Variants in MECOM observed in about 807,000 individuals in gnomAD.
MECOM encodes the protein MDS1 and EVI1 complex locus.
In MECOM, 13 loss-of-function variants were observed where a neutral mutation model predicts 116.3. The ratio of observed to expected loss-of-function variants is 0.11; its 90% CI spans 0.07 to 0.18. The LOEUF (loss-of-function observed/expected upper bound fraction) is 0.18, where lower values mean the gene tolerates loss of function less well. Ranked by LOEUF, MECOM falls within the 10% of genes least tolerant of loss-of-function variation. The pLI is 1.00. For missense variants in MECOM, 1,299 were observed against 1,509.0 expected (o/e 0.86, Z 2.31); for synonymous variants, 528 against 535.2 (o/e 0.99, Z 0.19).
At chr3:169,572,817 G>A (rs376843588) in intron 1 of MECOM, among the ~76,000 whole-genome samples, 12 of 152,174 alleles carry the variant, frequency 7.9e-5, no homozygotes, top group South Asian at 4.2e-4. Flanking sequence ...ATCACACACC[G>A]GGGCCTGTTG....
At chr3:169,576,838 C>CAGAG (rs59983835) in intron 1 of MECOM, among the ~76,000 whole-genome samples, 133 of 125,090 alleles carry the variant, frequency 1.1e-3, no homozygotes, top group Middle Eastern at 4.2e-3. Context: ...CACACACACA[C>CAGAG]AGAGAGAGAG....
rs748913547 is a variant in MECOM, at chr3:169,644,969, C to T, written c.37+18367G>A. Among the ~76,000 whole-genome samples the T allele has an allele frequency of 2.6e-5, 4 of 152,072 alleles. 1 individual carries two copies. The highest frequency in any genetic ancestry group is 2.4e-5 in the African/African-American group (1 of 41,390). On this transcript the variant is annotated intron_variant, in intron 1 of 16. Coordinates refer to ENST00000651503, the MANE Select transcript of MECOM (RefSeq NM_004991.4). ...CTCTTTGAGTAAAGCCATTCTTCTT[C>T]GGCATAAGTACACACAAATGACTGT...
intron 1 of MECOM, among the ~76,000 whole-genome samples, chr3:169,585,581 C>T (rs1465230161): frequency 6.6e-6 from 1 of 152,164 alleles, no homozygotes; most frequent in Non-Finnish European, 1.5e-5. Context: ...GGTATTATTA[C>T]CAGGTCTATA....
chr3:169,158,560 C>G (rs1053710337), intron 2 of MECOM, among the ~76,000 whole-genome samples: 3 of 152,096 alleles, frequency 2.0e-5, no homozygotes, highest in African/African-American at 7.2e-5. Context: ...GTGTGACTCT[C>G]GGGTTTAAAG....
At chr3:169,189,171 T>C (rs1015086256) in intron 2 of MECOM, among the ~76,000 whole-genome samples, 8 of 152,098 alleles carry the variant, frequency 5.3e-5, no homozygotes, top group African/African-American at 1.7e-4. Flanking sequence ...AAGACCTATG[T>C]TGCTTTAACA....
intron 1 of MECOM, among the ~76,000 whole-genome samples, chr3:169,561,982 C>G (rs1762685394): frequency 6.6e-6 from 1 of 151,494 alleles, no homozygotes; most frequent in Non-Finnish European, 1.5e-5. Context: ...CCCATCTCTA[C>G]TAAAAATACA....
At position 169,136,913 on chromosome 3, in the gene MECOM, T is replaced by C. The variant is rs191192344; in HGVS notation, c.511-5382A>G. On this transcript the variant is annotated intron_variant, in intron 3 of 16. Coordinates refer to ENST00000651503, the MANE Select transcript of MECOM (RefSeq NM_004991.4). ...TGCTTAATAGACTGCATTTGGCATG[T>C]CTAAAAATGACAGAAGCGTGAATTA... Among the ~76,000 whole-genome samples, 10 of 152,256 alleles carry C rather than the reference T, an allele frequency of 6.6e-5. No individual in the cohort carries two copies. In the East Asian group the frequency reaches 1.7e-3, roughly 26 times the overall value.
intron 2 of MECOM, among the ~76,000 whole-genome samples, chr3:169,200,345 G>A (rs182403058): frequency 1.5e-4 from 23 of 152,076 alleles, no homozygotes; most frequent in East Asian, 5.8e-4. Flanking sequence ...GTCACTTTTC[G>A]TCTCTACATT....
intron 1 of MECOM, among the ~76,000 whole-genome samples, chr3:169,463,394 T>C (rs1297156647): frequency 2.0e-5 from 3 of 152,130 alleles, no homozygotes; most frequent in Non-Finnish European, 2.9e-5. Context: ...GTTAGTTATT[T>C]CAACTGAAAA....
At chr3:169,632,501 T>C (rs974363995) in intron 1 of MECOM, among the ~76,000 whole-genome samples, 2 of 152,130 alleles carry the variant, frequency 1.3e-5, no homozygotes, top group South Asian at 2.1e-4. Context: ...TAAAAAATAA[T>C]CTAAACTTAC....
At chr3:169,111,555 G>A (rs1462014826) in intron 9 of MECOM, among the ~76,000 whole-genome samples, 2 of 152,036 alleles carry the variant, frequency 1.3e-5, no homozygotes, top group South Asian at 2.1e-4. Context: ...TAACTGTTTT[G>A]TAACTTACTT....
At chr3:169,199,478 A>G (rs959685433) in intron 2 of MECOM, among the ~76,000 whole-genome samples, 9 of 152,046 alleles carry the variant, frequency 5.9e-5, no homozygotes, top group African/African-American at 2.2e-4. Context: ...CCATGATGCA[A>G]TCATGGCTCA....
intron 15 of MECOM, 47 bp downstream of exon 15, chr3:169,089,953 C>T (rs754753755): frequency 3.8e-6 from 6 of 1,571,128 alleles, no homozygotes; most frequent in Admixed American, 3.9e-5. Context: ...TGCAACCGTA[C>T]ATGGATCTAC....
chr3:169,377,829 C>T (rs1464084249), intron 2 of MECOM, among the ~76,000 whole-genome samples: 2 of 152,056 alleles, frequency 1.3e-5, no homozygotes, highest in East Asian at 1.9e-4. Flanking sequence ...TGAGTATATA[C>T]CCAAAGGATT....
intron 1 of MECOM, among the ~76,000 whole-genome samples, chr3:169,425,753 C>A (rs953123241): frequency 6.6e-6 from 1 of 152,074 alleles, no homozygotes; most frequent in Non-Finnish European, 1.5e-5. Flanking sequence ...AATGAAAAAT[C>A]TAAGCAATCA....
intron 2 of MECOM, among the ~76,000 whole-genome samples, chr3:169,220,835 C>T (rs75028082): frequency 0.017 from 2,512 of 152,150 alleles, 37 homozygotes; most frequent in Non-Finnish European, 0.02. Context: ...AAGAGAAAGA[C>T]CATAAGGGCA....
In MECOM at chr3:169,657,992, T is replaced by G. The variant is rs147152221; in HGVS notation, c.37+5344A>C. Among the ~76,000 whole-genome samples, 267 of 152,310 alleles carry G rather than the reference T, an allele frequency of 1.8e-3. 1 individual carries two copies. Among genetic ancestry groups the G allele is most frequent in the African/African-American group, 6.2e-3 (257 of 41,580 alleles). On this transcript the variant is annotated intron_variant, in intron 1 of 16. Transcript: ENST00000651503. ...TCTCCCTCTCTGGTTTTCTGATCGA[T>G]TTGTCTGTCTCCTCTTTATCCTCTT...
chr3:169,220,735 A>C (rs990805433), intron 2 of MECOM, among the ~76,000 whole-genome samples: 1 of 152,138 alleles, frequency 6.6e-6, no homozygotes, highest in African/African-American at 2.4e-5. Flanking sequence ...TGGGTCTTCC[A>C]AAATGCTGGG....
intron 2 of MECOM, among the ~76,000 whole-genome samples, chr3:169,323,949 C>T (rs1164384721): frequency 6.6e-6 from 1 of 152,184 alleles, no homozygotes; most frequent in East Asian, 1.9e-4. Flanking sequence ...AGCACACTAA[C>T]ATCTCTTCTG....
Sources: allele counts gnomAD v4.1 joint callset (sites outside exome capture counted in the v4.1 genomes callset), GRCh38; gene constraint gnomAD v4.1.1; transcripts MANE v1.5; gene names NCBI Gene and HGNC (gene_info 2026-07-23, HGNC 2026-07-21).